Variants in PTPRO observed in about 807,000 individuals in gnomAD.
PTPRO encodes protein tyrosine phosphatase receptor type O, also known as receptor-type tyrosine-protein phosphatase O.
PTPRO carries 62 observed loss-of-function variants against 145.2 expected under a neutral mutation model. That is an observed-to-expected ratio of 0.43 (90% CI 0.35 to 0.53). The LOEUF (loss-of-function observed/expected upper bound fraction) is 0.53, where lower values mean the gene tolerates loss of function less well. Ranked by LOEUF, PTPRO falls within the 20% of genes least tolerant of loss-of-function variation. The pLI is 0.01. For synonymous variants in PTPRO, 565 were observed against 514.7 expected (o/e 1.10, Z -1.32); for missense variants, 1,345 against 1,482.7 (o/e 0.91, Z 1.53).
chr12:15,405,189 C>T (rs1939613560), intron 1 of PTPRO, among the ~76,000 whole-genome samples: 1 of 152,104 alleles, frequency 6.6e-6, no homozygotes, highest in South Asian at 2.1e-4. Flanking sequence ...ATCTATATTT[C>T]TATGCATATG....
chr12:15,466,458 A>G (rs1941418283), intron 1 of PTPRO, among the ~76,000 whole-genome samples: 1 of 152,174 alleles, frequency 6.6e-6, no homozygotes, highest in Non-Finnish European at 1.5e-5. Context: ...TATGCAAGGG[A>G]AATTTTAAAT....
chr12:15,520,178 C>T (rs1484779996), intron 9 of PTPRO, 23 bp from the exon 10 acceptor site: 10 of 1,542,926 alleles, frequency 6.5e-6, no homozygotes, highest in Non-Finnish European at 9.0e-6. Context: ...TCTTTTGTCT[C>T]CTTGCTTGCT....
chr12:15,589,247 A>T (rs985499339), intron 24 of PTPRO, among the ~76,000 whole-genome samples: 1 of 152,112 alleles, frequency 6.6e-6, no homozygotes, highest in African/African-American at 2.4e-5. Context: ...ATGGTGGCAC[A>T]TACCTGTAAT....
chr12:15,525,075 G>A, intron 11 of PTPRO, 110 bp downstream of exon 11: 1 of 1,313,442 alleles, frequency 7.6e-7, no homozygotes. Flanking sequence ...CATACCAGTT[G>A]TCTGTTTTAG....
chr12:15,484,480 G>A (rs1414167881), intron 2 of PTPRO, among the ~76,000 whole-genome samples: 1 of 152,150 alleles, frequency 6.6e-6, no homozygotes, highest in African/African-American at 2.4e-5. Context: ...CCTCAATGAT[G>A]TAGTATATTT....
chr12:15,373,885 A>G (rs750102499), intron 1 of PTPRO, among the ~76,000 whole-genome samples: 1 of 152,154 alleles, frequency 6.6e-6, no homozygotes, highest in Admixed American at 6.5e-5. Flanking sequence ...TGGGCCTATG[A>G]CCTTATTTTA....
At chr12:15,391,045 C>G (rs1392163329) in intron 1 of PTPRO, among the ~76,000 whole-genome samples, 1 of 152,142 alleles carries the variant, frequency 6.6e-6, no homozygotes, top group South Asian at 2.1e-4. Flanking sequence ...ATTCCATCAA[C>G]GAAAACCCTA....
chr12:15,519,281 G>A (rs565790151), intron 9 of PTPRO, among the ~76,000 whole-genome samples: 1 of 152,328 alleles, frequency 6.6e-6, no homozygotes, highest in Non-Finnish European at 1.5e-5. Context: ...CTGCCCCCAT[G>A]ATTCAGTTAT....
Position 15,567,068 on chromosome 12 carries a change from A to G in PTPRO, c.2747+1440A>G, listed in dbSNP as rs545839321. Among the ~76,000 whole-genome samples the G allele has an allele frequency of 3.3e-5, 5 of 152,286 alleles. No individual in the cohort carries two copies. In the South Asian group the frequency reaches 6.2e-4, roughly 19 times the overall value. On this transcript the variant is annotated intron_variant, in intron 18 of 26. Transcript: ENST00000281171. ...GAGACTGTCAAGGCTTGCTCCTCCC[A>G]TGACTCAGGCAAAGAAAAGAAGGAG... is the stretch of plus-strand genomic sequence containing the variant.
chr12:15,376,833 C>A (rs557167501), intron 1 of PTPRO, among the ~76,000 whole-genome samples: 17 of 152,176 alleles, frequency 1.1e-4, no homozygotes, highest in South Asian at 2.1e-4. Context: ...CCCAAAAGCC[C>A]CACACCCTAA....
rs201759756 is a variant in PTPRO at position 15,516,792 on chromosome 12, T to C, written c.1615T>C (p.Tyr539His). Reference protein sequence around the residue: ...VPTGIKDLMLYPLGPTAVVLS... With the variant: ...VPTGIKDLMLHPLGPTAVVLS... The stretch of plus-strand genomic sequence containing the variant: ...CACAGGAATAAAGGATTTAATGCTC[T>C]ATCCTTTGGGTCCTACGGCCGTGGT... Residue 539 changes from tyrosine (Y) to histidine (H), a missense_variant, in exon 9 of 27, where the codon TAT (tyrosine) becomes CAT (histidine). Tyr to His is a moderately conservative substitution (Grantham distance 83). Around this residue, in one of 3 missense-constraint regions of PTPRO, gnomAD observed 1,130 missense variants for 1,214.7 expected, o/e 0.93. Transcript: ENST00000281171. 8.7e-6 allele frequency: 14 copies of C among 1,610,798 alleles called. No individual in the cohort carries two copies. The East Asian group carries it at 2.7e-4, about 31-fold the overall frequency.
At chr12:15,565,719 G>A (rs568123509) in intron 18 of PTPRO, 91 bp downstream of exon 18, 1 of 992,386 alleles carries the variant, frequency 1.0e-6, no homozygotes, top group African/African-American at 1.6e-5. Flanking sequence ...AAAGAGAAGG[G>A]ACGCTTAAGA....
At chr12:15,512,218 G>A (rs1942456354) in intron 7 of PTPRO, among the ~76,000 whole-genome samples, 1 of 152,080 alleles carries the variant, frequency 6.6e-6, no homozygotes, top group African/African-American at 2.4e-5. Flanking sequence ...AGTTTCAAGC[G>A]ATTCTGTTGC....
intron 14 of PTPRO, among the ~76,000 whole-genome samples, chr12:15,549,542 T>C (rs1426638759): frequency 2.0e-5 from 3 of 152,190 alleles, no homozygotes; most frequent in Middle Eastern, 3.2e-3. Flanking sequence ...TCTTCAGTAA[T>C]AGGCACAGTA....
chr12:15,506,587 A>T (rs1157138620), intron 6 of PTPRO, among the ~76,000 whole-genome samples: 1 of 152,196 alleles, frequency 6.6e-6, no homozygotes, highest in Non-Finnish European at 1.5e-5. Context: ...GGGTGGCAGG[A>T]CAGAGAGAGA....
chr12:15,583,709 T>C (rs1314812861), intron 23 of PTPRO, among the ~76,000 whole-genome samples: 1 of 152,064 alleles, frequency 6.6e-6, no homozygotes, highest in East Asian at 1.9e-4. Flanking sequence ...TTACTAACTG[T>C]CTCTTTGCAG....
chr12:15,409,740 G>A (rs1358229861), intron 1 of PTPRO, among the ~76,000 whole-genome samples: 1 of 152,190 alleles, frequency 6.6e-6, no homozygotes, highest in Non-Finnish European at 1.5e-5. Context: ...TGAGTGCAAG[G>A]AGAAGGTGCT....
At chr12:15,356,477 G>T (rs189730966) in intron 1 of PTPRO, among the ~76,000 whole-genome samples, 23 of 152,196 alleles carry the variant, frequency 1.5e-4, no homozygotes, top group African/African-American at 5.5e-4. Flanking sequence ...CCTATAAATG[G>T]AGGGGTGGGT....
chr12:15,398,481 CAA>C (rs565625161), intron 1 of PTPRO, among the ~76,000 whole-genome samples: 6 of 114,538 alleles, frequency 5.2e-5, no homozygotes, highest in Admixed American at 8.9e-5. Flanking sequence ...ATACTTTTTC[CAA>C]AAAAAAAAAA....
Sources: allele counts gnomAD v4.1 joint callset (sites outside exome capture counted in the v4.1 genomes callset), GRCh38; gene constraint gnomAD v4.1.1; regional missense constraint gnomAD v4.1.1; transcripts MANE v1.5; gene names NCBI Gene and HGNC (gene_info 2026-07-23, HGNC 2026-07-21).